Variants in LUZP2 observed in about 807,000 individuals in gnomAD.
The protein encoded by LUZP2 is leucine zipper protein 2.
LUZP2 carries 52 observed loss-of-function variants against 51.6 expected under a neutral mutation model. That is an observed-to-expected ratio of 1.01 (90% CI 0.81 to 1.27). The LOEUF (loss-of-function observed/expected upper bound fraction) is 1.27, where lower values mean the gene tolerates loss of function less well. LUZP2 is among the 50% of genes most tolerant of loss of function. The pLI is 0.00. For missense variants in LUZP2, 436 were observed against 395.4 expected (o/e 1.10, Z -0.87); for synonymous variants, 154 against 137.3 (o/e 1.12, Z -0.85).
At chr11:24,857,813 T>A (rs890337191) in intron 5 of LUZP2, among the ~76,000 whole-genome samples, 4 of 152,038 alleles carry the variant, frequency 2.6e-5, no homozygotes, top group African/African-American at 9.7e-5. Context: ...AGTATGACAT[T>A]TTTTAAGCTA....
intron 5 of LUZP2, among the ~76,000 whole-genome samples, chr11:24,903,067 A>G (rs767000957): frequency 6.6e-6 from 1 of 152,186 alleles, no homozygotes; most frequent in African/African-American, 2.4e-5. Flanking sequence ...TTGGCAGGAC[A>G]TAAATACTCC....
At chr11:25,036,651 T>G (rs1857873601) in intron 9 of LUZP2, among the ~76,000 whole-genome samples, 1 of 152,122 alleles carries the variant, frequency 6.6e-6, no homozygotes, top group Non-Finnish European at 1.5e-5. Context: ...ATCCCAGAGA[T>G]CTGAGCAAGT....
At chr11:24,544,222 G>A (rs896608387) in intron 1 of LUZP2, among the ~76,000 whole-genome samples, 6 of 152,016 alleles carry the variant, frequency 3.9e-5, no homozygotes, top group Non-Finnish European at 8.8e-5. Context: ...TTGCCTGTCC[G>A]GAGGTCCAGT....
At chr11:25,014,868 G>T (rs1175567421) in intron 9 of LUZP2, among the ~76,000 whole-genome samples, 1 of 121,346 alleles carries the variant, frequency 8.2e-6, no homozygotes, top group African/African-American at 2.5e-5. Context: ...TTCTTCTAGG[G>T]TTTTTATGGT....
chr11:24,556,232 A>C (rs1851865750), intron 1 of LUZP2, among the ~76,000 whole-genome samples: 1 of 152,142 alleles, frequency 6.6e-6, no homozygotes, highest in African/African-American at 2.4e-5. Flanking sequence ...CATTGTATAT[A>C]TGTTTTTATT....
At chr11:24,848,855 T>A (rs1851291202) in intron 5 of LUZP2, among the ~76,000 whole-genome samples, 2 of 152,010 alleles carry the variant, frequency 1.3e-5, no homozygotes, top group African/African-American at 4.8e-5. Context: ...CATAATATCA[T>A]CTCAATAAGT....
At chr11:24,853,004 G>T (rs948961746) in intron 5 of LUZP2, among the ~76,000 whole-genome samples, 2 of 152,200 alleles carry the variant, frequency 1.3e-5, no homozygotes, top group African/African-American at 2.4e-5. Flanking sequence ...ACAGCACACC[G>T]ATTGGTCTTG....
intron 5 of LUZP2, among the ~76,000 whole-genome samples, chr11:24,859,955 A>T (rs1851689208): frequency 6.6e-6 from 1 of 152,192 alleles, no homozygotes; most frequent in Admixed American, 6.5e-5. Flanking sequence ...GAGGGGCGAC[A>T]AGAAATAGCT....
chr11:24,556,284 A>G (rs1414578960), intron 1 of LUZP2, among the ~76,000 whole-genome samples: 1 of 152,128 alleles, frequency 6.6e-6, no homozygotes, highest in Non-Finnish European at 1.5e-5. Flanking sequence ...TCACTTTCTC[A>G]ATTTTCCATT....
intron 5 of LUZP2, among the ~76,000 whole-genome samples, chr11:24,837,878 T>G (rs1230483647): frequency 2.0e-5 from 3 of 151,618 alleles, no homozygotes; most frequent in Non-Finnish European, 4.4e-5. Flanking sequence ...AGTTGGATCT[T>G]CACAATACTC....
At chr11:25,000,362 A>T (rs558159532) in intron 9 of LUZP2, among the ~76,000 whole-genome samples, 51 of 152,198 alleles carry the variant, frequency 3.4e-4, no homozygotes, top group Admixed American at 1.0e-3. Context: ...TTCCTGCTGG[A>T]TAGGGGCAAA....
At chr11:24,782,704 A>G (rs1849128991) in intron 5 of LUZP2, among the ~76,000 whole-genome samples, 1 of 152,012 alleles carries the variant, frequency 6.6e-6, no homozygotes, top group Non-Finnish European at 1.5e-5. Context: ...AATAGTAGGT[A>G]CTCAGCAAGT....
At chr11:24,781,474 T>G (rs1334526382) in intron 5 of LUZP2, among the ~76,000 whole-genome samples, 1 of 151,980 alleles carries the variant, frequency 6.6e-6, no homozygotes, top group East Asian at 1.9e-4. Flanking sequence ...CTCAAAACAA[T>G]ATTAGGTCCT....
chr11:24,504,306 T>C (rs896374252), intron 1 of LUZP2, among the ~76,000 whole-genome samples: 1 of 152,224 alleles, frequency 6.6e-6, no homozygotes, highest in Non-Finnish European at 1.5e-5. Context: ...TGTTCATACC[T>C]GGCTTTAATA....
chr11:24,811,413 T>C (rs772967616), intron 5 of LUZP2, among the ~76,000 whole-genome samples: 139 of 152,314 alleles, frequency 9.1e-4, no homozygotes, highest in Admixed American at 1.5e-3. Flanking sequence ...CTAGCACAGA[T>C]TTGCTAGTCG....
intron 1 of LUZP2, among the ~76,000 whole-genome samples, chr11:24,619,926 C>T (rs187582631): frequency 3.8e-4 from 58 of 152,192 alleles, no homozygotes; most frequent in Admixed American, 3.5e-3. Context: ...GCCAACTGTA[C>T]ATTCAAAATA....
intron 7 of LUZP2, among the ~76,000 whole-genome samples, chr11:24,916,015 A>C (rs908388302): frequency 7.9e-5 from 12 of 151,786 alleles, no homozygotes; most frequent in African/African-American, 2.9e-4. Context: ...TATTTTTTTT[A>C]GTAAATGTAG....
chr11:25,033,430 C>T (rs921427396), intron 9 of LUZP2, among the ~76,000 whole-genome samples: 1 of 151,902 alleles, frequency 6.6e-6, no homozygotes, highest in African/African-American at 2.4e-5. Flanking sequence ...TTAAAAAAGT[C>T]AACTTTTATT....
intron 9 of LUZP2, among the ~76,000 whole-genome samples, chr11:25,014,437 C>T (rs1489446384): frequency 6.6e-6 from 1 of 152,278 alleles, no homozygotes; most frequent in South Asian, 2.1e-4. Flanking sequence ...TTAATGATCA[C>T]CCTTCTAAAT....
Sources: allele counts gnomAD v4.1 joint callset (sites outside exome capture counted in the v4.1 genomes callset), GRCh38; gene constraint gnomAD v4.1.1; transcripts MANE v1.5; gene names NCBI Gene and HGNC (gene_info 2026-07-23, HGNC 2026-07-21).